Variants in ATG10 observed in about 807,000 individuals in gnomAD.
ATG10 encodes ubiquitin-like-conjugating enzyme ATG10.
A neutral mutation model predicts 32.1 loss-of-function variants in ATG10; 30 were observed. The observed-to-expected ratio is 0.94, with a 90% CI of 0.70 to 1.27. The LOEUF (loss-of-function observed/expected upper bound fraction) is 1.27. Among genes scored for constraint, ATG10 ranks in the 50% most tolerant of loss-of-function variants. The probability of loss-of-function intolerance (pLI) is 0.00; values close to 1 mark genes in which losing one functional copy is unlikely to be tolerated. For synonymous variants in ATG10, 87 were observed against 91.5 expected (o/e 0.95, Z 0.28); for missense variants, 233 against 262.3 (o/e 0.89, Z 0.77).
chr5:82,128,303 G>A (rs912210452), intron 3 of ATG10, among the ~76,000 whole-genome samples: 3 of 151,958 alleles, frequency 2.0e-5, no homozygotes, highest in Non-Finnish European at 2.9e-5. Flanking sequence ...GGTTAATATT[G>A]TTATATGTGA....
chr5:82,146,903 G>T (rs570916758), intron 3 of ATG10, among the ~76,000 whole-genome samples: 1 of 152,026 alleles, frequency 6.6e-6, no homozygotes, highest in Non-Finnish European at 1.5e-5. Flanking sequence ...TAACCTAGAC[G>T]TTGGAAATAT....
At chr5:82,076,027 A>G (rs1479850382) in intron 3 of ATG10, among the ~76,000 whole-genome samples, 3 of 152,198 alleles carry the variant, frequency 2.0e-5, no homozygotes, top group Non-Finnish European at 2.9e-5. Context: ...CTCTGATTAT[A>G]CTTAAGTAGT....
At chr5:82,208,666 AT>A (rs2149975164) in intron 5 of ATG10, among the ~76,000 whole-genome samples, 1 of 152,272 alleles carries the variant, frequency 6.6e-6, no homozygotes, top group Admixed American at 6.5e-5. Flanking sequence ...TCTGCTAGAT[AT>A]TTTTTATCCA....
chr5:82,022,723 A>G (rs568855373), intron 2 of ATG10, among the ~76,000 whole-genome samples: 1 of 151,378 alleles, frequency 6.6e-6, no homozygotes, highest in East Asian at 1.9e-4. Context: ...TTAACCCCAC[A>G]ATATCTCTGT....
chr5:82,155,801 G>A (rs997769135), intron 3 of ATG10, among the ~76,000 whole-genome samples: 1 of 152,138 alleles, frequency 6.6e-6, no homozygotes, highest in Non-Finnish European at 1.5e-5. Flanking sequence ...TTAAAACATA[G>A]ACTGCCTTAT....
intron 5 of ATG10, among the ~76,000 whole-genome samples, chr5:82,241,369 C>T (rs1003345289): frequency 9.9e-5 from 15 of 152,210 alleles, no homozygotes; most frequent in South Asian, 4.1e-4. Flanking sequence ...ATCAAGGTAA[C>T]ATTTTAAAAT....
intron 5 of ATG10, among the ~76,000 whole-genome samples, chr5:82,180,899 G>T (rs1395500573): frequency 6.6e-6 from 1 of 152,008 alleles, no homozygotes; most frequent in Non-Finnish European, 1.5e-5. Flanking sequence ...TCTGACCCAT[G>T]ACATAAGAAC....
At chr5:81,976,798 C>A (rs1760887259) in intron 1 of ATG10, among the ~76,000 whole-genome samples, 1 of 152,192 alleles carries the variant, frequency 6.6e-6, no homozygotes, top group South Asian at 2.1e-4. Context: ...TGGTCATCGC[C>A]AAGGTCTGAT....
rs1761165691 is a variant in ATG10 at position 81,983,929 on chromosome 5, A to G, written c.-12-3630A>G. 3.4e-5 allele frequency among the ~76,000 whole-genome samples: 5 copies of G among 146,978 alleles called. No individual in the cohort carries two copies. The South Asian group carries it at 8.7e-4, about 26-fold the overall frequency. On this transcript the variant is annotated intron_variant, in intron 1 of 7. Coordinates refer to ENST00000282185, the MANE Select transcript of ATG10 (RefSeq NM_031482.5). ...GGGCGGCCGGGCAGAGACACTCCTC[A>G]CTTCCTAGATGGGATGGCGGCCGGG...
chr5:82,235,191 T>A (rs1176887245), intron 5 of ATG10, among the ~76,000 whole-genome samples: 1 of 152,170 alleles, frequency 6.6e-6, no homozygotes, highest in Non-Finnish European at 1.5e-5. Context: ...TCCTTTCCTC[T>A]ATTCATGCTG....
At chr5:82,180,903 T>G (rs1744203973) in intron 5 of ATG10, among the ~76,000 whole-genome samples, 1 of 152,142 alleles carries the variant, frequency 6.6e-6, no homozygotes, top group South Asian at 2.1e-4. Flanking sequence ...ACCCATGACA[T>G]AAGAACAAGA....
intron 3 of ATG10, among the ~76,000 whole-genome samples, chr5:82,071,778 A>T (rs1045342468): frequency 6.6e-6 from 1 of 152,120 alleles, no homozygotes; most frequent in African/African-American, 2.4e-5. Flanking sequence ...AGTTTGTCTG[A>T]ATCTCCCCTC....
chr5:82,118,144 T>A (rs1026199009), intron 3 of ATG10, among the ~76,000 whole-genome samples: 2 of 151,552 alleles, frequency 1.3e-5, no homozygotes, highest in African/African-American at 4.8e-5. Flanking sequence ...AAAATATTGA[T>A]GTTATTTTTG....
At chr5:82,095,357 A>G (rs1039720970) in intron 3 of ATG10, among the ~76,000 whole-genome samples, 21 of 152,138 alleles carry the variant, frequency 1.4e-4, no homozygotes, top group Admixed American at 1.0e-3. Context: ...TTATTGTTAT[A>G]TTTATGTCAC....
At chr5:82,157,686 C>T (rs1408056145) in intron 3 of ATG10, among the ~76,000 whole-genome samples, 2 of 152,130 alleles carry the variant, frequency 1.3e-5, no homozygotes, top group African/African-American at 2.4e-5. Flanking sequence ...CTTCATCAGT[C>T]GTTATCACTT....
At chr5:82,023,248 C>T (rs1762498841) in intron 2 of ATG10, among the ~76,000 whole-genome samples, 1 of 151,778 alleles carries the variant, frequency 6.6e-6, no homozygotes, top group Non-Finnish European at 1.5e-5. Flanking sequence ...ATTTGAGATA[C>T]TAGATTATAG....
At chr5:81,986,025 A>G (rs1432216038) in intron 1 of ATG10, among the ~76,000 whole-genome samples, 1 of 151,854 alleles carries the variant, frequency 6.6e-6, no homozygotes, top group Non-Finnish European at 1.5e-5. Flanking sequence ...GGCCTCCCCA[A>G]AGTGCTGGGA....
chr5:82,031,847 T>C (rs1000799054), intron 2 of ATG10, among the ~76,000 whole-genome samples: 8 of 152,264 alleles, frequency 5.3e-5, no homozygotes, highest in Admixed American at 2.6e-4. Context: ...TCAGAAGTCA[T>C]GCTACTTGTA....
At chr5:82,085,470 TG>T (rs1371629945) in intron 3 of ATG10, among the ~76,000 whole-genome samples, 1 of 119,848 alleles carries the variant, frequency 8.3e-6, no homozygotes, top group Non-Finnish European at 1.6e-5. Flanking sequence ...ATATCCTTGA[TG>T]AACATGGAGG....
Sources: gnomAD v4.1 joint callset for allele counts (sites outside exome capture counted in the v4.1 genomes callset) on GRCh38, gnomAD v4.1.1 for gene constraint, MANE v1.5 for transcripts, NCBI Gene and HGNC (gene_info 2026-07-23, HGNC 2026-07-21) for gene names.